RSPH14: variants seen among roughly 807,000 people sequenced by gnomAD.
The protein encoded by RSPH14 is rhabdoid tumor deletion region gene 1.
A neutral mutation model predicts 26.7 loss-of-function variants in RSPH14; 20 were observed. The observed-to-expected ratio is 0.75, with a 90% CI of 0.53 to 1.09. RSPH14 has a LOEUF of 1.09. Among genes scored for constraint, RSPH14 ranks in the 50% least tolerant of loss-of-function variants. RSPH14 has a pLI of 0.00. For missense variants in RSPH14, 449 were observed against 457.2 expected (o/e 0.98, Z 0.16); for synonymous variants, 177 against 189.3 (o/e 0.93, Z 0.53).
chr22:23,079,510 C>T (rs1458565033), intron 4 of RSPH14, among the ~76,000 whole-genome samples: 1 of 152,156 alleles, frequency 6.6e-6, no homozygotes, highest in Non-Finnish European at 1.5e-5. Flanking sequence ...CATTGCACAG[C>T]CCTGGTGCCC....
At chr22:23,148,045 A>G (rs2070898558), upstream of RSPH14, among the ~76,000 whole-genome samples, 1 of 152,100 alleles carries the variant, frequency 6.6e-6, no homozygotes, top group African/African-American at 2.4e-5. Flanking sequence ...AGAGGGATAG[A>G]TCCTCTCCAT....
chr22:23,163,325 GTT>G, the RSPH14 span: 1 of 152,978 alleles, frequency 6.5e-6, no homozygotes, highest in Non-Finnish European at 1.5e-5. Context: ...CCCCTTCCGG[GTT>G]CATGCCATTC....
chr22:23,145,428 GC>G, upstream of RSPH14: 1 of 1,610,636 alleles, frequency 6.2e-7, no homozygotes. Context: ...CGCAGACCCC[GC>G]CCACGACGTC....
At chr22:23,153,807 G>T in the RSPH14 span, among the ~76,000 whole-genome samples, 111 of 146,970 alleles carry the variant, frequency 7.6e-4, 1 homozygote, top group African/African-American at 2.6e-3. Context: ...ACCTGCCTCA[G>T]CCTCCCAAGT....
At chr22:23,096,773 C>T (rs969005952) in intron 4 of RSPH14, among the ~76,000 whole-genome samples, 2 of 152,268 alleles carry the variant, frequency 1.3e-5, no homozygotes, top group African/African-American at 2.4e-5. Context: ...ACAGCAGCCA[C>T]CCCTGCAACC....
At chr22:23,097,859 C>T (rs1228507471) in intron 4 of RSPH14, among the ~76,000 whole-genome samples, 5 of 152,350 alleles carry the variant, frequency 3.3e-5, no homozygotes, top group Admixed American at 1.3e-4. Context: ...CACGGGCTTG[C>T]GCCACTGGCC....
At chr22:23,123,338 C>T (rs891790725) in intron 4 of RSPH14, 1 of 1,614,014 alleles carries the variant, frequency 6.2e-7, no homozygotes. Flanking sequence ...CCCACTTCAC[C>T]TGCGCCACCG....
upstream of RSPH14, among the ~76,000 whole-genome samples, chr22:23,149,795 A>G (rs904086975): frequency 6.6e-6 from 1 of 152,252 alleles, no homozygotes; most frequent in South Asian, 2.1e-4. Context: ...TGTCACATGC[A>G]TGCAGCAAGG....
chr22:23,171,110 G>A, the RSPH14 span, among the ~76,000 whole-genome samples: 1 of 151,918 alleles, frequency 6.6e-6, no homozygotes, highest in Non-Finnish European at 1.5e-5. Context: ...TGGGACTACA[G>A]GCGTGCACCA....
At chr22:23,180,196 G>A in the RSPH14 span, 1 of 225,898 alleles carries the variant, frequency 4.4e-6, no homozygotes, top group African/African-American at 2.3e-5. Flanking sequence ...CCGGAGGGGA[G>A]CCAAGTGTTC....
At chr22:23,110,840 C>G (rs543718353) in intron 4 of RSPH14, among the ~76,000 whole-genome samples, 6 of 152,302 alleles carry the variant, frequency 3.9e-5, no homozygotes, top group African/African-American at 1.2e-4. Context: ...TGGGAAGGAC[C>G]CAAGGGCCCA....
At chr22:23,153,534 G>C in the RSPH14 span, 1 of 981,056 alleles carries the variant, frequency 1.0e-6, no homozygotes, top group African/African-American at 1.8e-5. Context: ...CCTGTAAAAT[G>C]GGGTCAAATC....
At chr22:23,096,764 C>T (rs2069137238) in intron 4 of RSPH14, among the ~76,000 whole-genome samples, 1 of 152,250 alleles carries the variant, frequency 6.6e-6, no homozygotes, top group South Asian at 2.1e-4. Context: ...GGTCCAGGAA[C>T]AGCAGCCACC....
At chr22:23,137,801 G>C (rs2070509936) in intron 3 of RSPH14, 1 of 194,074 alleles carries the variant, frequency 5.2e-6, no homozygotes, top group Non-Finnish European at 1.0e-5. Context: ...GGGGGCTGGT[G>C]GGGAGAGGTT....
intron 5 of RSPH14, among the ~76,000 whole-genome samples, chr22:23,063,161 G>C (rs763146440): frequency 3.3e-5 from 5 of 152,134 alleles, no homozygotes; most frequent in Middle Eastern, 3.2e-3. Flanking sequence ...GATGGGGCTG[G>C]GACAGGGCCC....
upstream of RSPH14, chr22:23,145,271 C>A (rs181928128): frequency 2.4e-5 from 30 of 1,237,860 alleles, no homozygotes; most frequent in African/African-American, 4.1e-4. Context: ...CATCCAGCAC[C>A]GCCCTTGTTG....
intron 4 of RSPH14, among the ~76,000 whole-genome samples, chr22:23,113,167 C>T (rs1187270913): frequency 6.6e-6 from 1 of 152,232 alleles, no homozygotes; most frequent in Admixed American, 6.5e-5. Context: ...TGCAACTCCC[C>T]TGGGAAGACA....
the RSPH14 span, among the ~76,000 whole-genome samples, chr22:23,176,404 G>A: frequency 6.6e-6 from 1 of 152,300 alleles, no homozygotes; most frequent in East Asian, 1.9e-4. Context: ...TTGATACACC[G>A]CTTCCTTTCA....
chr22:23,158,167 C>T, the RSPH14 span: 2 of 1,521,050 alleles, frequency 1.3e-6, no homozygotes, highest in South Asian at 1.3e-5. Context: ...GGCCCCTTGT[C>T]AGAACCAGCT....
Sources: allele counts gnomAD v4.1 joint callset (sites outside exome capture counted in the v4.1 genomes callset), GRCh38; gene constraint gnomAD v4.1.1; transcripts MANE v1.5; gene names NCBI Gene and HGNC (gene_info 2026-07-23, HGNC 2026-07-21).